Variants in BICRA observed in about 807,000 individuals in gnomAD.
BICRA encodes the protein BRD4-interacting chromatin-remodeling complex-associated protein.
A neutral mutation model predicts 96.9 loss-of-function variants in BICRA; 31 were observed. The ratio of observed to expected loss-of-function variants is 0.32; its 90% confidence interval spans 0.24 to 0.43. The LOEUF is 0.43. Among genes scored for constraint, BICRA ranks in the 20% least tolerant of loss-of-function variants. The pLI, the probability that BICRA is intolerant of heterozygous loss-of-function variation, is 1.00. For synonymous variants in BICRA, 1,350 were observed against 1,071.8 expected, an observed-to-expected ratio of 1.26 and a Z score of -5.07; for missense variants, 2,283 against 2,190.3, an observed-to-expected ratio of 1.04 and a Z score of -0.84.
intron 14 of BICRA, chr19:47,700,437 C>T (rs1335100710): frequency 2.6e-5 from 4 of 152,270 alleles, no homozygotes; most frequent in East Asian, 3.9e-4. Context: ...TGATCAAACA[C>T]ACTAGTATTT....
intron 1 of BICRA, among the ~76,000 whole-genome samples, chr19:47,637,108 T>G (rs1455065362): frequency 6.6e-6 from 1 of 152,060 alleles, no homozygotes; most frequent in African/African-American, 2.4e-5. Context: ...ACATTGATTT[T>G]ATTTTATTTT....
intron 1 of BICRA, among the ~76,000 whole-genome samples, chr19:47,661,053 C>T (rs1185325769): frequency 1.3e-5 from 2 of 151,590 alleles, no homozygotes; most frequent in Admixed American, 6.6e-5. Flanking sequence ...ACTAAAAATA[C>T]AAAAACAAAA....
intron 1 of BICRA, among the ~76,000 whole-genome samples, chr19:47,666,029 G>A (rs192319778): frequency 1.8e-4 from 27 of 152,334 alleles, no homozygotes; most frequent in African/African-American, 6.0e-4. Context: ...CACAACTAGC[G>A]TACACACTGC....
intron 7 of BICRA, among the ~76,000 whole-genome samples, chr19:47,687,873 A>T (rs1283045538): frequency 1.3e-5 from 2 of 151,782 alleles, no homozygotes; most frequent in Non-Finnish European, 2.9e-5. Flanking sequence ...GTATGAAAGT[A>T]CTTGTAGGGT....
intron 1 of BICRA, among the ~76,000 whole-genome samples, chr19:47,649,394 A>C (rs1311395929): frequency 6.6e-6 from 1 of 152,200 alleles, no homozygotes; most frequent in Non-Finnish European, 1.5e-5. Flanking sequence ...ATCTCATAAT[A>C]TATAAGTCAA....
chr19:47,674,332 C>T (rs1276479469), intron 4 of BICRA, among the ~76,000 whole-genome samples: 1 of 103,574 alleles, frequency 9.7e-6, no homozygotes, highest in East Asian at 3.7e-4. Context: ...CCTGGAAGCC[C>T]GATAGAGGAG....
At position 47,621,554 on chromosome 19, in the gene BICRA, A is replaced by G. The variant is rs545141439; in HGVS notation, c.-108+12386A>G. Reference sequence around the variant, plus strand: ...AATGGTGCTATCTTGGCTCACTGCAACCTCCGCCTCCCAGGTTCAAGCAAT... The same window carrying G: ...AATGGTGCTATCTTGGCTCACTGCAGCCTCCGCCTCCCAGGTTCAAGCAAT... On this transcript the variant is annotated intron_variant, in intron 1 of 14. Transcript: ENST00000594866. 1.3e-4 allele frequency among the ~76,000 whole-genome samples: 19 copies of G among 149,342 alleles called. No individual in the cohort carries two copies. The South Asian group carries it at 4.0e-3, about 32-fold the overall frequency.
At chr19:47,625,817 T>C (rs1255952953) in intron 1 of BICRA, among the ~76,000 whole-genome samples, 2 of 151,484 alleles carry the variant, frequency 1.3e-5, no homozygotes, top group African/African-American at 4.9e-5. Flanking sequence ...ATGGATGGGC[T>C]GAGAGACACA....
In BICRA at chr19:47,701,843, C is replaced by G; in HGVS notation, c.4111C>G (p.Pro1371Ala). The change falls in exon 15 of 15, where the codon CCC becomes GCC. Residue 1371 changes from proline to alanine, a missense_variant. By Grantham distance (27) the Pro-to-Ala change is conservative (BLOSUM62 -1). Transcript: ENST00000594866. The surrounding 1 kb of genome is among the most constrained non-coding windows in gnomAD (Gnocchi z 5.4). ...GTVDHPPPAA[P>A]ERKPLGTAPH... ...GGTGGACCACCCGCCGCCTGCCGCC[C>G]CCGAGCGCAAGCCCCTGGGCACCGC... The G allele has an allele frequency of 6.6e-7, 1 of 1,518,548 alleles. No individual in the cohort carries two copies. Among genetic ancestry groups the G allele is most frequent in the Non-Finnish European group, 8.8e-7 (1 of 1,137,074 alleles). 94.1% of individuals were successfully genotyped at this position (1,518,548 alleles called of 1,614,324 possible). A position where few individuals can be genotyped will look rare whatever the true frequency, so the allele number is the denominator to read the frequency against.
chr19:47,617,777 CT>C (rs11433116), intron 1 of BICRA, among the ~76,000 whole-genome samples: 1 of 149,240 alleles, frequency 6.7e-6, no homozygotes, highest in African/African-American at 2.5e-5. Context: ...CTGATCTGAT[CT>C]TTTTTTTTTG....
chr19:47,699,220 C>A lies in BICRA; in HGVS notation c.3493-83C>A. On this transcript the variant is annotated intron_variant, in intron 13 of 14. Transcript: ENST00000594866. This position sits in a 1 kb window ranked among gnomAD's most constrained non-coding sequence, Gnocchi z 5.0. ...GCTCCCATCACAAGGACAGTTTGGA[C>A]CTTGCACGCATCGTCCCCGTCGCTC... is the stretch of plus-strand genomic sequence containing the variant. The A allele has an allele frequency of 2.2e-6, 2 of 901,654 alleles. No individual in the cohort carries two copies. Among genetic ancestry groups the A allele is most frequent in the South Asian group, 2.9e-5 (2 of 69,976 alleles). The allele number at this position is 901,654 out of a possible 1,614,324, so 55.9% of individuals were successfully genotyped here. A position where few individuals can be genotyped will look rare whatever the true frequency, so the allele number is the denominator to read the frequency against.
intron 1 of BICRA, among the ~76,000 whole-genome samples, chr19:47,613,914 G>C (rs192850351): frequency 6.6e-6 from 1 of 151,902 alleles, no homozygotes; most frequent in Admixed American, 6.6e-5. Flanking sequence ...ATGAGTGTAT[G>C]TATTCATTGG....
At position 47,702,409 on chromosome 19, in the gene BICRA, C is replaced by T. The variant is rs540732449; in HGVS notation, c.4677C>T (p.Thr1559=). The T allele has an allele frequency of 1.2e-5, 18 of 1,500,940 alleles. 1 individual carries two copies. The South Asian group carries it at 1.7e-4, about 14-fold the overall frequency. 93.0% of individuals were successfully genotyped at this position (1,500,940 alleles called of 1,614,324 possible). ...GTGGCCTCGGCGCCAGGACGTTGAC[C>T]AGATAACACCGGGCCGCCTCCCCTT... is the stretch of plus-strand genomic sequence containing the variant. The part of the protein sequence containing the change: ...HNGGLGARTL[T]R Residue 1559 remains threonine (T), a synonymous_variant, in exon 15 of 15, where the codon ACC becomes ACT. Transcript: ENST00000594866.
chr19:47,610,617 C>CCCCCA (rs751553560), intron 1 of BICRA, among the ~76,000 whole-genome samples: 185 of 146,446 alleles, frequency 1.3e-3, no homozygotes, highest in East Asian at 5.1e-3. Context: ...CACCCCCCCC[C>CCCCCA]CACACACACA....
rs574189769 is a variant in BICRA, at chr19:47,655,699, A to G, written c.-107-14744A>G. 2.0e-5 allele frequency among the ~76,000 whole-genome samples: 3 copies of G among 148,706 alleles called. No individual in the cohort carries two copies. The East Asian group carries it at 6.0e-4, about 30-fold the overall frequency. On this transcript the variant is annotated intron_variant, in intron 1 of 14. Coordinates refer to ENST00000594866, the MANE Select transcript of BICRA (RefSeq NM_001394372.1). The stretch of plus-strand genomic sequence containing the variant: ...GAAACCCCATCTCTACTAAAAATAC[A>G]AAAAAAATGAGCTGGGCTTGGTGGC...
At chr19:47,685,795 G>GCGCGCGCGCA (rs1555790170) in intron 7 of BICRA, among the ~76,000 whole-genome samples, 1 of 147,556 alleles carries the variant, frequency 6.8e-6, no homozygotes, top group African/African-American at 2.4e-5. Flanking sequence ...GTGCGCGCGC[G>GCGCGCGCGCA]CGCGCATGCG....
intron 1 of BICRA, among the ~76,000 whole-genome samples, chr19:47,624,226 TCTCCTACCCTTTTCATCTTGCCTTTCA>T (rs547657046): frequency 6.0e-4 from 91 of 152,258 alleles, no homozygotes; most frequent in African/African-American, 2.1e-3. Flanking sequence ...GCCTGGCTTA[TCTCCTACCCTTTTCATCTTGCCTTTCA>T]CTCACCAAGC....
chr19:47,627,885 T>C (rs1972164098), intron 1 of BICRA, among the ~76,000 whole-genome samples: 1 of 152,238 alleles, frequency 6.6e-6, no homozygotes, highest in Non-Finnish European at 1.5e-5. Context: ...TTCTTCTGCC[T>C]CAGCCTCCCA....
At chr19:47,668,556 C>T (rs1292579989) in intron 1 of BICRA, among the ~76,000 whole-genome samples, 2 of 147,766 alleles carry the variant, frequency 1.4e-5, no homozygotes, top group Non-Finnish European at 3.0e-5. Context: ...GGTGCGATCT[C>T]GGCTCACTGC....
Sources: allele counts gnomAD v4.1 joint callset (sites outside exome capture counted in the v4.1 genomes callset), GRCh38; gene constraint gnomAD v4.1.1; non-coding constraint Gnocchi (gnomAD v3.1); transcripts MANE v1.5; gene names NCBI Gene and HGNC (gene_info 2026-07-23, HGNC 2026-07-21).